Variants in CTNNA1 observed in about 807,000 individuals in gnomAD.
CTNNA1 encodes the protein catenin alpha-1.
A neutral mutation model predicts 98.4 loss-of-function variants in CTNNA1; 37 were observed. The observed-to-expected ratio is 0.38, with a 90% confidence interval of 0.29 to 0.49. CTNNA1 has a LOEUF of 0.49. Ranked by LOEUF, CTNNA1 falls within the 20% of genes least tolerant of loss-of-function variation. CTNNA1 has a pLI of 0.95. For synonymous variants in CTNNA1, 404 were observed against 413.2 expected (o/e 0.98, Z 0.27); for missense variants, 761 against 1,147.2 (o/e 0.66, Z 4.86).
intron 10 of CTNNA1, among the ~76,000 whole-genome samples, chr5:138,907,114 C>G (rs1399884672): frequency 6.6e-6 from 1 of 152,106 alleles, no homozygotes; most frequent in Non-Finnish European, 1.5e-5. Flanking sequence ...CTCTGCCTCC[C>G]AGGTTCAAGT....
intron 3 of CTNNA1, among the ~76,000 whole-genome samples, chr5:138,791,640 AAAG>A (rs1756381344): frequency 1.3e-5 from 2 of 149,708 alleles, no homozygotes; most frequent in Non-Finnish European, 3.0e-5. Context: ...AAAAAAAAAA[AAAG>A]GGTCTTGTTA....
chr5:138,790,789 G>A (rs1416118636), intron 3 of CTNNA1: 2 of 152,228 alleles, frequency 1.3e-5, no homozygotes, highest in Non-Finnish European at 2.9e-5. Context: ...ATTGAGTGCT[G>A]CTGAACAGAG....
chr5:138,879,034 A>C, intron 7 of CTNNA1, among the ~76,000 whole-genome samples: 1 of 151,994 alleles, frequency 6.6e-6, no homozygotes. Flanking sequence ...AGGTGGTGAA[A>C]TCCCGTCTCT....
intron 1 of CTNNA1, chr5:138,754,408 C>T (rs139862465): frequency 1.3e-5 from 2 of 152,258 alleles, no homozygotes; most frequent in East Asian, 1.9e-4. Flanking sequence ...CTCCCTCTTA[C>T]GTCCTCTTGC....
chr5:138,826,909 C>T (rs545801292), intron 6 of CTNNA1, among the ~76,000 whole-genome samples: 4 of 152,244 alleles, frequency 2.6e-5, no homozygotes, highest in South Asian at 2.1e-4. Context: ...GTGATCCTCC[C>T]GAGTAGCTGG....
At chr5:138,905,373 C>T (rs1461819670) in intron 10 of CTNNA1, among the ~76,000 whole-genome samples, 1 of 152,196 alleles carries the variant, frequency 6.6e-6, no homozygotes, top group Non-Finnish European at 1.5e-5. Context: ...GGAGAGTCTA[C>T]ACCCTCCTTG....
chr5:138,791,643 G>A (rs1452221067), intron 3 of CTNNA1, among the ~76,000 whole-genome samples: 22 of 70,808 alleles, frequency 3.1e-4, no homozygotes, highest in South Asian at 5.0e-4. Flanking sequence ...AAAAAAAAAA[G>A]GGTCTTGTTA....
intron 1 of CTNNA1, 132 bp downstream of exon 1, chr5:138,753,642 G>A (rs1751252587): frequency 2.9e-6 from 1 of 347,746 alleles, no homozygotes; most frequent in Non-Finnish European, 5.2e-6. Flanking sequence ...TTTCTTTGGC[G>A]ACGTCGCCGG....
chr5:138,787,736 T>C (rs944541725), intron 3 of CTNNA1, among the ~76,000 whole-genome samples: 8 of 152,242 alleles, frequency 5.3e-5, no homozygotes, highest in Admixed American at 3.9e-4. Flanking sequence ...AACCAAAAGT[T>C]GGAATGTACA....
At chr5:138,931,348 G>A (rs930621517) in intron 16 of CTNNA1, among the ~76,000 whole-genome samples, 5 of 152,106 alleles carry the variant, frequency 3.3e-5, no homozygotes, top group Admixed American at 2.6e-4. Flanking sequence ...ACAAAAATAC[G>A]GTTCCTACCG....
In CTNNA1 at chr5:138,904,333, T is replaced by C; in HGVS notation, c.1297-16T>C. The C allele has an allele frequency of 1.9e-6, 3 of 1,606,320 alleles. No homozygotes were observed. Among genetic ancestry groups the C allele is most frequent in the Non-Finnish European group, 2.5e-6 (3 of 1,176,908 alleles). ...AAAAGAGAAAAATCTTTAAAGATTA[T>C]TTTTTATGTTTATAGGTTGCCAACT... On this transcript the variant is annotated splice_polypyrimidine_tract_variant and intron_variant, in intron 9 of 17. Transcript: ENST00000302763.
intron 13 of CTNNA1, among the ~76,000 whole-genome samples, chr5:138,928,015 A>C (rs909989050): frequency 6.6e-6 from 1 of 151,508 alleles, no homozygotes; most frequent in Non-Finnish European, 1.5e-5. Flanking sequence ...TCATCAAGGG[A>C]CAGGCCCAGC....
intron 9 of CTNNA1, among the ~76,000 whole-genome samples, chr5:138,897,083 A>G (rs527485676): frequency 8.5e-6 from 1 of 117,970 alleles, no homozygotes; most frequent in East Asian, 2.0e-4. Flanking sequence ...TGATATATAC[A>G]GTGATTGTGT....
chr5:138,823,687 G>A (rs2149771822), intron 5 of CTNNA1, among the ~76,000 whole-genome samples: 1 of 152,194 alleles, frequency 6.6e-6, no homozygotes, highest in South Asian at 2.1e-4. Context: ...GCTGGGCGCG[G>A]TGGCTCACGC....
chr5:138,802,877 A>C (rs141561182), intron 3 of CTNNA1, among the ~76,000 whole-genome samples: 94 of 152,118 alleles, frequency 6.2e-4, no homozygotes, highest in African/African-American at 2.1e-3. Flanking sequence ...AGCTCACTGT[A>C]GCCTTGACCT....
At position 138,924,677 on chromosome 5, in the gene CTNNA1, G is replaced by A. The variant is rs1763626572; in HGVS notation, c.1714G>A (p.Val572Ile). 6.3e-7 allele frequency: 1 copy of A among 1,594,810 alleles called. No individual in the cohort carries two copies. The highest frequency in any genetic ancestry group is 8.5e-7 in the Non-Finnish European group (1 of 1,170,484). The change falls in exon 12 of 18, where the codon GTT becomes ATT. Residue 572 changes from valine (V) to isoleucine (I), a missense_variant. Transcript: ENST00000302763. The part of the protein sequence containing the change: ...NYEPGVYTEK[V>I]LEATKLLSNT... The stretch of plus-strand genomic sequence containing the variant: ...TGAGCCAGGAGTCTACACAGAGAAG[G>A]TTCTGGAAGCCACTAAGCTGCTCTC...
At chr5:138,876,264 A>G (rs150196376) in intron 7 of CTNNA1, among the ~76,000 whole-genome samples, 73 of 152,272 alleles carry the variant, frequency 4.8e-4, no homozygotes, top group Middle Eastern at 6.8e-3. Flanking sequence ...ATAATAGAGC[A>G]TTTGCACCCT....
At chr5:138,782,527 A>T (rs920045347) in intron 2 of CTNNA1, 2 of 252,368 alleles carry the variant, frequency 7.9e-6, no homozygotes, top group African/African-American at 4.6e-5. Context: ...TATTGTTTGT[A>T]TGTGAGAGAT....
At position 138,915,506 on chromosome 5, in the gene CTNNA1, AAAAGGT is replaced by A. The variant is rs1221432961; in HGVS notation, c.1390-2231_1390-2226del. Among the ~76,000 whole-genome samples the A allele has an allele frequency of 8.5e-5, 13 of 152,316 alleles. No individual in the cohort carries two copies. The South Asian group carries it at 1.4e-3, about 17-fold the overall frequency. On this transcript the variant is annotated intron_variant, in intron 10 of 17. Transcript: ENST00000302763. Reference sequence around the variant, plus strand: ...TGTAAAATGGTACAGCCACTTTAGAAAAAGGTAAAGCAGCTTCTCAAAAGTTTAAGC... The same window carrying A: ...TGTAAAATGGTACAGCCACTTTAGAAAAAGCAGCTTCTCAAAAGTTTAAGC...
Sources: gnomAD v4.1 joint callset for allele counts (sites outside exome capture counted in the v4.1 genomes callset) on GRCh38, gnomAD v4.1.1 for gene constraint, MANE v1.5 for transcripts, NCBI Gene and HGNC (gene_info 2026-07-23, HGNC 2026-07-21) for gene names.